Variants in PTPRD observed in about 807,000 individuals in gnomAD.
PTPRD encodes the protein receptor-type tyrosine-protein phosphatase delta.
A neutral mutation model predicts 214.5 loss-of-function variants in PTPRD; 34 were observed. The ratio of observed to expected loss-of-function variants is 0.16; its 90% confidence interval spans 0.12 to 0.21. The LOEUF is 0.21. Ranked by LOEUF, PTPRD falls within the 10% of genes least tolerant of loss-of-function variation. The pLI is 1.00. For missense variants in PTPRD, 2,545 were observed against 2,398.7 expected, an observed-to-expected ratio of 1.06 and a Z score of -1.27; for synonymous variants, 1,128 against 845.7, an observed-to-expected ratio of 1.33 and a Z score of -5.79.
intron 10 of PTPRD, among the ~76,000 whole-genome samples, chr9:9,058,166 G>C (rs1485815689): frequency 6.6e-6 from 1 of 152,116 alleles, no homozygotes; most frequent in Non-Finnish European, 1.5e-5. Flanking sequence ...AATATAAAGA[G>C]GGAATTAGGG....
intron 2 of PTPRD, among the ~76,000 whole-genome samples, chr9:10,470,631 G>A (rs935152995): frequency 1.3e-5 from 2 of 151,998 alleles, no homozygotes; most frequent in Non-Finnish European, 2.9e-5. Context: ...CTGCATTGTA[G>A]GTTATTTAAC....
intron 4 of PTPRD, among the ~76,000 whole-genome samples, chr9:9,949,879 T>A (rs141570643): frequency 6.6e-6 from 1 of 152,226 alleles, no homozygotes; most frequent in Non-Finnish European, 1.5e-5. Context: ...CATTGAGTTA[T>A]TGAATCATGG....
chr9:10,342,922 A>T (rs941199882), intron 2 of PTPRD, among the ~76,000 whole-genome samples: 6 of 151,982 alleles, frequency 3.9e-5, no homozygotes, highest in Admixed American at 3.3e-4. Flanking sequence ...GACTGTTTAA[A>T]TATAAAGTAT....
In PTPRD at chr9:8,928,597, T is replaced by C. The variant is rs1588191363; in HGVS notation, c.-104+90100A>G. ...TGGTACCAGTTGGTTACTCTAGCCTTGTAGTATAGTTTGAAGTCAGGTAGC... is the reference window on the plus strand; with the variant it reads ...TGGTACCAGTTGGTTACTCTAGCCTCGTAGTATAGTTTGAAGTCAGGTAGC... On this transcript the variant is annotated intron_variant, in intron 11 of 45. Transcript: ENST00000381196. 3.3e-5 allele frequency among the ~76,000 whole-genome samples: 5 copies of C among 151,910 alleles called. No individual in the cohort carries two copies. The South Asian group carries it at 1.0e-3, about 32-fold the overall frequency.
chr9:10,315,760 A>G (rs2096404881), intron 3 of PTPRD, among the ~76,000 whole-genome samples: 1 of 151,944 alleles, frequency 6.6e-6, no homozygotes, highest in Non-Finnish European at 1.5e-5. Flanking sequence ...AACTATTGAG[A>G]AGAATTAACC....
chr9:9,970,322 C>T (rs1217740494), intron 4 of PTPRD, among the ~76,000 whole-genome samples: 2 of 151,162 alleles, frequency 1.3e-5, no homozygotes, highest in Non-Finnish European at 2.9e-5. Context: ...TGGTGGCAGG[C>T]ACCTGTAGTC....
chr9:9,953,330 G>A (rs544612411), intron 4 of PTPRD, among the ~76,000 whole-genome samples: 1 of 151,918 alleles, frequency 6.6e-6, no homozygotes, highest in African/African-American at 2.4e-5. Context: ...TGAGCAAAAG[G>A]GATAAAAAGA....
Position 9,545,236 on chromosome 9 carries a change from A to C in PTPRD, c.-237+29496T>G, listed in dbSNP as rs892966536. Among the ~76,000 whole-genome samples, 3 of 151,674 alleles carry C rather than the reference A, an allele frequency of 2.0e-5. No homozygotes were observed. In the Admixed American group the frequency reaches 2.0e-4, roughly 10 times the overall value. On this transcript the variant is annotated intron_variant, in intron 8 of 45. Transcript: ENST00000381196. The stretch of plus-strand genomic sequence containing the variant: ...GGTTTAGACAAATGTATAACGACAC[A>C]CACTTGCCACTGTAGCATCATACAA...
intron 2 of PTPRD, among the ~76,000 whole-genome samples, chr9:10,569,680 T>G (rs2066825527): frequency 6.6e-6 from 1 of 152,130 alleles, no homozygotes; most frequent in Non-Finnish European, 1.5e-5. Context: ...TTTTTCTTAA[T>G]TTTCTGTTAG....
intron 14 of PTPRD, among the ~76,000 whole-genome samples, chr9:8,631,793 T>C (rs1024639817): frequency 1.3e-4 from 19 of 151,578 alleles, no homozygotes; most frequent in African/African-American, 3.9e-4. Flanking sequence ...AATCCCTCCC[T>C]TGTTTTTAGC....
intron 8 of PTPRD, among the ~76,000 whole-genome samples, chr9:9,559,779 C>T (rs2082428931): frequency 6.6e-6 from 1 of 152,164 alleles, no homozygotes; most frequent in Non-Finnish European, 1.5e-5. Context: ...CTGTGACAGA[C>T]CGTACAGCTG....
intron 9 of PTPRD, among the ~76,000 whole-genome samples, chr9:9,317,485 A>T (rs917618967): frequency 2.0e-5 from 3 of 151,968 alleles, no homozygotes; most frequent in Admixed American, 2.0e-4. Context: ...ACAATTAGGG[A>T]TGAAGTTCTG....
chr9:10,371,149 T>C (rs1598340483), intron 2 of PTPRD, among the ~76,000 whole-genome samples: 2 of 152,130 alleles, frequency 1.3e-5, no homozygotes, highest in East Asian at 1.9e-4. Context: ...TTCTAAATTA[T>C]AGGCTTATGC....
At chr9:10,464,996 C>T (rs980523290) in intron 2 of PTPRD, among the ~76,000 whole-genome samples, 1 of 152,096 alleles carries the variant, frequency 6.6e-6, no homozygotes, top group Non-Finnish European at 1.5e-5. Flanking sequence ...GAATCACAAC[C>T]AATATTGCTC....
chr9:8,666,965 G>C lies in PTPRD; in HGVS notation c.65-30121C>G, dbSNP rs961040930. On this transcript the variant is annotated intron_variant, in intron 12 of 45. Coordinates refer to ENST00000381196, the MANE Select transcript of PTPRD (RefSeq NM_002839.4). Reference sequence around the variant, plus strand: ...TAACAAGACACAAGCATTGTGGCTTGTGTATGCACATTATCTATAACAATG... The same window carrying C: ...TAACAAGACACAAGCATTGTGGCTTCTGTATGCACATTATCTATAACAATG... Among the ~76,000 whole-genome samples, 14 of 152,140 alleles carry C rather than the reference G, an allele frequency of 9.2e-5. 1 individual carries two copies. The highest frequency in any genetic ancestry group is 1.5e-5 in the Non-Finnish European group (1 of 68,014).
intron 2 of PTPRD, among the ~76,000 whole-genome samples, chr9:10,418,873 C>A (rs1319826580): frequency 1.3e-5 from 2 of 151,824 alleles, no homozygotes; most frequent in Admixed American, 1.3e-4. Context: ...AAGTGATTTC[C>A]TGTTTCACTT....
At chr9:9,282,915 C>A (rs938135274) in intron 9 of PTPRD, among the ~76,000 whole-genome samples, 2 of 151,372 alleles carry the variant, frequency 1.3e-5, no homozygotes, top group Non-Finnish European at 1.5e-5. Context: ...TTATGTGAAC[C>A]TTTCAATATG....
intron 11 of PTPRD, among the ~76,000 whole-genome samples, chr9:9,003,995 A>G (rs578193731): frequency 2.9e-4 from 44 of 152,166 alleles, no homozygotes; most frequent in African/African-American, 1.0e-3. Flanking sequence ...TCATCTCACT[A>G]TAAATCATTT....
chr9:8,888,373 A>G (rs1260838153), intron 11 of PTPRD, among the ~76,000 whole-genome samples: 1 of 152,228 alleles, frequency 6.6e-6, no homozygotes, highest in Admixed American at 6.5e-5. Flanking sequence ...AAAGCATACC[A>G]GATATACCTT....
Sources: allele counts gnomAD v4.1 joint callset (sites outside exome capture counted in the v4.1 genomes callset), GRCh38; gene constraint gnomAD v4.1.1; transcripts MANE v1.5; gene names NCBI Gene and HGNC (gene_info 2026-07-23, HGNC 2026-07-21).